Variants in RHPN2 observed in about 807,000 individuals in gnomAD.
The protein encoded by RHPN2 is rhophilin Rho GTPase binding protein 2.
Under a neutral mutation model 79.0 loss-of-function variants are expected in RHPN2, and 40 were observed. The observed-to-expected ratio is 0.51, with a 90% CI of 0.39 to 0.66. The LOEUF (loss-of-function observed/expected upper bound fraction) is 0.66. Ranked by LOEUF, RHPN2 falls within the 30% of genes least tolerant of loss-of-function variation. RHPN2 has a pLI of 0.00. For missense variants in RHPN2, 686 were observed against 883.5 expected (o/e 0.78, Z 2.83); for synonymous variants, 285 against 363.5 (o/e 0.78, Z 2.46).
intron 14 of RHPN2, among the ~76,000 whole-genome samples, chr19:32,982,388 T>C (rs779398207): frequency 1.3e-5 from 2 of 151,876 alleles, no homozygotes; most frequent in Non-Finnish European, 2.9e-5. Context: ...GCCTGGGCGA[T>C]GGAGTGAGAC....
intron 4 of RHPN2, among the ~76,000 whole-genome samples, chr19:33,015,768 GC>G (rs1401607232): frequency 2.0e-5 from 3 of 152,152 alleles, no homozygotes; most frequent in African/African-American, 7.2e-5. Flanking sequence ...TTAGCAGACA[GC>G]CAGGTGTGGT....
At chr19:33,029,527 G>GGAA (rs1971994251) in intron 2 of RHPN2, among the ~76,000 whole-genome samples, 1 of 81,570 alleles carries the variant, frequency 1.2e-5, no homozygotes, top group African/African-American at 4.3e-5. Flanking sequence ...CTCTATCTCA[G>GGAA]AAAAAAAAAA....
chr19:33,024,474 G>GC (rs1472131983), intron 3 of RHPN2, among the ~76,000 whole-genome samples: 2 of 152,064 alleles, frequency 1.3e-5, no homozygotes, highest in African/African-American at 4.8e-5. Flanking sequence ...CCGTACAGGA[G>GC]CCCACAGGTA....
At chr19:33,011,034 G>A (rs1971831478) in intron 6 of RHPN2, among the ~76,000 whole-genome samples, 1 of 152,114 alleles carries the variant, frequency 6.6e-6, no homozygotes, top group Non-Finnish European at 1.5e-5. Context: ...TGGGTCTACG[G>A]CCATACCACC....
chr19:33,038,046 A>T (rs953688026), intron 2 of RHPN2, among the ~76,000 whole-genome samples: 2 of 152,068 alleles, frequency 1.3e-5, no homozygotes, highest in Non-Finnish European at 2.9e-5. Context: ...CTACAAAAAA[A>T]TTTTTAAAAT....
intron 2 of RHPN2, 43 bp downstream of exon 2, chr19:33,044,206 T>A: frequency 7.0e-7 from 1 of 1,435,124 alleles, no homozygotes; most frequent in Non-Finnish European, 9.8e-7. Flanking sequence ...AGGGAACAGA[T>A]GACTAGGACT....
At chr19:33,004,029 T>A (rs964783484) in intron 7 of RHPN2, among the ~76,000 whole-genome samples, 4 of 152,148 alleles carry the variant, frequency 2.6e-5, no homozygotes, top group East Asian at 1.9e-4. Flanking sequence ...ATATACTTTT[T>A]AAAAATGTAT....
intron 4 of RHPN2, among the ~76,000 whole-genome samples, chr19:33,018,314 G>A (rs1278878103): frequency 2.0e-5 from 3 of 151,864 alleles, no homozygotes; most frequent in Non-Finnish European, 2.9e-5. Flanking sequence ...GGGCAACAGA[G>A]TGAGACTGTG....
chr19:32,984,690 G>A (rs1010248505), intron 14 of RHPN2, among the ~76,000 whole-genome samples: 8 of 151,804 alleles, frequency 5.3e-5, no homozygotes, highest in South Asian at 2.1e-4. Flanking sequence ...AGTGGCTCAC[G>A]CCTGTAATCC....
intron 1 of RHPN2, among the ~76,000 whole-genome samples, chr19:33,053,777 T>C (rs149647676): frequency 6.6e-6 from 1 of 151,958 alleles, no homozygotes; most frequent in Non-Finnish European, 1.5e-5. Flanking sequence ...GTTGGCCAGG[T>C]TGGTCTTGAA....
chr19:33,027,908 A>G (rs1971981094), intron 2 of RHPN2, among the ~76,000 whole-genome samples: 1 of 152,226 alleles, frequency 6.6e-6, no homozygotes, highest in South Asian at 2.1e-4. Context: ...CATCACACTT[A>G]GTGGTGAATG....
At chr19:33,021,440 T>G (rs369593294) in intron 4 of RHPN2, 131 bp downstream of exon 4, 18 of 735,980 alleles carry the variant, frequency 2.4e-5, no homozygotes, top group East Asian at 2.2e-4. Flanking sequence ...CACTGCAGCC[T>G]CCAGTTCCTG....
chr19:32,983,371 G>A (rs759211233), intron 14 of RHPN2, among the ~76,000 whole-genome samples: 75 of 152,022 alleles, frequency 4.9e-4, no homozygotes, highest in Non-Finnish European at 7.6e-4. Context: ...AATTAGCCGG[G>A]CGTGGTGGCG....
intron 1 of RHPN2, among the ~76,000 whole-genome samples, chr19:33,060,943 A>G (rs1440986589): frequency 6.6e-6 from 1 of 152,062 alleles, no homozygotes; most frequent in Admixed American, 6.6e-5. Flanking sequence ...GCCTGGCTCC[A>G]CCATAGCTTC....
chr19:33,042,009 CCT>C (rs1406083049), intron 2 of RHPN2, among the ~76,000 whole-genome samples: 4 of 151,884 alleles, frequency 2.6e-5, no homozygotes, highest in African/African-American at 9.7e-5. Context: ...ACGGTGAAAC[CCT>C]GTCTCTACTA....
intron 1 of RHPN2, among the ~76,000 whole-genome samples, chr19:33,053,203 G>C (rs1292724261): frequency 4.6e-5 from 7 of 151,778 alleles, no homozygotes; most frequent in African/African-American, 1.5e-4. Context: ...TGGCCAGGCT[G>C]CTCTCAAACT....
At chr19:33,056,300 C>T (rs1472557094) in intron 1 of RHPN2, among the ~76,000 whole-genome samples, 19 of 151,816 alleles carry the variant, frequency 1.3e-4, no homozygotes, top group Admixed American at 8.6e-4. Context: ...TCAGTAGAGA[C>T]GGGGTTTCTC....
chr19:33,044,211 A>G, intron 2 of RHPN2, 38 bp downstream of exon 2: 1 of 1,458,258 alleles, frequency 6.9e-7, no homozygotes, highest in Non-Finnish European at 9.6e-7. Flanking sequence ...ACAGATGACT[A>G]GGACTCAGGA....
At chr19:32,997,563 C>T (rs766761097) in intron 10 of RHPN2, among the ~76,000 whole-genome samples, 1 of 151,938 alleles carries the variant, frequency 6.6e-6, no homozygotes, top group Non-Finnish European at 1.5e-5. Context: ...GATCTCGGCT[C>T]ACTGCAACCT....
Sources: allele counts gnomAD v4.1 joint callset (sites outside exome capture counted in the v4.1 genomes callset), GRCh38; gene constraint gnomAD v4.1.1; transcripts MANE v1.5; gene names NCBI Gene and HGNC (gene_info 2026-07-23, HGNC 2026-07-21).